The following AGBL1 variants were observed in gnomAD, a reference collection of about 807,000 sequenced individuals.
The protein encoded by AGBL1 is cytosolic carboxypeptidase 4.
In AGBL1, 130 loss-of-function variants were observed where a neutral mutation model predicts 118.9. The ratio of observed to expected loss-of-function variants is 1.09; its 90% confidence interval spans 0.95 to 1.26. The LOEUF is 1.26. Among genes scored for constraint, AGBL1 ranks in the 50% most tolerant of loss-of-function variants. The probability of loss-of-function intolerance (pLI) is 0.00; values close to 1 mark genes in which losing one functional copy is unlikely to be tolerated. For synonymous variants in AGBL1, 555 were observed against 478.9 expected, an observed-to-expected ratio of 1.16 and a Z score of -2.08; for missense variants, 1,584 against 1,298.1, an observed-to-expected ratio of 1.22 and a Z score of -3.38.
At chr15:86,220,838 G>A (rs1472614621) in intron 5 of AGBL1, among the ~76,000 whole-genome samples, 3 of 152,150 alleles carry the variant, frequency 2.0e-5, no homozygotes, top group African/African-American at 4.8e-5. Context: ...CCATAGGGAA[G>A]CTCAAACAAT....
chr15:87,012,192 T>C (rs996010444), intron 24 of AGBL1, among the ~76,000 whole-genome samples: 10 of 142,680 alleles, frequency 7.0e-5, no homozygotes, highest in Admixed American at 2.8e-4. Context: ...TACAAATTTA[T>C]ACACACACAC....
chr15:86,178,748 C>A (rs892819325), intron 5 of AGBL1, among the ~76,000 whole-genome samples: 3 of 152,120 alleles, frequency 2.0e-5, no homozygotes, highest in African/African-American at 7.2e-5. Flanking sequence ...CCAGCGTTAC[C>A]CTGATACCAA....
At chr15:86,953,495 A>T (rs1323295812) in intron 23 of AGBL1, among the ~76,000 whole-genome samples, 1 of 151,516 alleles carries the variant, frequency 6.6e-6, no homozygotes, top group Admixed American at 6.6e-5. Context: ...GTCTGAAGCA[A>T]TCCTCCCACC....
At chr15:86,200,550 ACCCCC>A (rs60352336) in intron 5 of AGBL1, among the ~76,000 whole-genome samples, 3 of 72,130 alleles carry the variant, frequency 4.2e-5, no homozygotes, top group Non-Finnish European at 8.8e-5. Context: ...ATAGACCCCT[ACCCCC>A]CCCCCCCTTT....
chr15:86,274,815 C>G (rs762337782), intron 15 of AGBL1, among the ~76,000 whole-genome samples: 1 of 152,136 alleles, frequency 6.6e-6, no homozygotes, highest in Non-Finnish European at 1.5e-5. Flanking sequence ...TAGTAGACAA[C>G]TTAATTTCTT....
At chr15:86,231,292 T>C (rs1051172496) in intron 6 of AGBL1, among the ~76,000 whole-genome samples, 1 of 152,168 alleles carries the variant, frequency 6.6e-6, no homozygotes, top group Non-Finnish European at 1.5e-5. Context: ...GAATTCCAGG[T>C]TCCTGACTTT....
At chr15:86,821,338 T>C (rs2078941023) in intron 22 of AGBL1, among the ~76,000 whole-genome samples, 2 of 151,958 alleles carry the variant, frequency 1.3e-5, no homozygotes, top group African/African-American at 4.8e-5. Flanking sequence ...ATAAATAAAA[T>C]AAACATAACA....
At chr15:86,847,361 T>C (rs1265218851) in intron 22 of AGBL1, among the ~76,000 whole-genome samples, 1 of 152,192 alleles carries the variant, frequency 6.6e-6, no homozygotes, top group Non-Finnish European at 1.5e-5. Context: ...AAATTGTAGA[T>C]AATGCATTGT....
chr15:86,161,416 A>G (rs368538419), intron 5 of AGBL1, among the ~76,000 whole-genome samples: 2 of 152,200 alleles, frequency 1.3e-5, no homozygotes, highest in East Asian at 1.9e-4. Context: ...CGGAAAATAA[A>G]TTGAAACTGA....
intron 23 of AGBL1, among the ~76,000 whole-genome samples, chr15:86,931,658 T>C (rs913917351): frequency 2.6e-5 from 4 of 151,942 alleles, no homozygotes; most frequent in Non-Finnish European, 4.4e-5. Context: ...ATCTTTTTCA[T>C]TTGATACGTT....
intron 22 of AGBL1, among the ~76,000 whole-genome samples, chr15:86,745,211 T>C (rs2077738511): frequency 6.6e-6 from 1 of 152,106 alleles, no homozygotes; most frequent in Non-Finnish European, 1.5e-5. Context: ...AAATAATTGC[T>C]ATTTGCTGAG....
chr15:87,013,360 G>T (rs936040408), intron 24 of AGBL1, among the ~76,000 whole-genome samples: 1 of 152,100 alleles, frequency 6.6e-6, no homozygotes, highest in African/African-American at 2.4e-5. Flanking sequence ...TCCCAAGTCT[G>T]GGGCTTTAAG....
intron 23 of AGBL1, among the ~76,000 whole-genome samples, chr15:86,963,268 C>T (rs1018009449): frequency 3.9e-5 from 6 of 152,056 alleles, no homozygotes; most frequent in Non-Finnish European, 5.9e-5. Context: ...GAATGTGCCA[C>T]GGCTACATTG....
chr15:86,757,452 A>G (rs999013445), intron 22 of AGBL1, among the ~76,000 whole-genome samples: 2 of 152,080 alleles, frequency 1.3e-5, no homozygotes, highest in Non-Finnish European at 1.5e-5. Flanking sequence ...CAAATGCTAA[A>G]GTGAAAAGTA....
At chr15:86,893,862 C>A (rs2080085610) in intron 22 of AGBL1, among the ~76,000 whole-genome samples, 1 of 152,146 alleles carries the variant, frequency 6.6e-6, no homozygotes, top group South Asian at 2.1e-4. Flanking sequence ...CTATGGCATT[C>A]ATTTCTATGT....
chr15:86,201,345 G>A (rs1489527251), intron 5 of AGBL1, among the ~76,000 whole-genome samples: 1 of 152,180 alleles, frequency 6.6e-6, no homozygotes, highest in South Asian at 2.1e-4. Flanking sequence ...TATTTAGGAA[G>A]GCAACCTTGG....
chr15:86,885,993 G>T (rs567302344), intron 22 of AGBL1, among the ~76,000 whole-genome samples: 48 of 152,288 alleles, frequency 3.2e-4, no homozygotes, highest in African/African-American at 9.6e-4. Flanking sequence ...TAGAATTTGG[G>T]AAACAGTTCC....
intron 21 of AGBL1, 54 bp from the exon 22 acceptor site, chr15:86,674,219 A>G: frequency 6.6e-7 from 1 of 1,517,126 alleles, no homozygotes; most frequent in Non-Finnish European, 9.0e-7. Flanking sequence ...TCAAAGTGTC[A>G]CCACTCAGCT....
chr15:86,199,193 T>C (rs2141850569), intron 5 of AGBL1, among the ~76,000 whole-genome samples: 1 of 152,314 alleles, frequency 6.6e-6, no homozygotes, highest in African/African-American at 2.4e-5. Flanking sequence ...CCTATCTCAT[T>C]CTTTATAAAG....
Sources: gnomAD v4.1 joint callset for allele counts (sites outside exome capture counted in the v4.1 genomes callset) on GRCh38, gnomAD v4.1.1 for gene constraint, MANE v1.5 for transcripts, NCBI Gene and HGNC (gene_info 2026-07-23, HGNC 2026-07-21) for gene names.